The following INPP5E variants were observed in gnomAD, a reference collection of about 807,000 sequenced individuals.
INPP5E encodes phosphatidylinositol polyphosphate 5-phosphatase type IV.
Under a neutral mutation model 50.5 loss-of-function variants are expected in INPP5E, and 34 were observed. That is an observed-to-expected ratio of 0.67 (90% CI 0.51 to 0.90). The LOEUF is 0.90. INPP5E is among the 40% of genes least tolerant of loss of function. The pLI is 0.00. For synonymous variants in INPP5E, 447 were observed against 406.0 expected (o/e 1.10, Z -1.21); for missense variants, 942 against 905.5 (o/e 1.04, Z -0.52).
In INPP5E at chr9:136,439,453, G is replaced by A; in HGVS notation, c.-34C>T. 7.1e-7 allele frequency: 1 copy of A among 1,416,040 alleles called. No individual in the cohort carries two copies. The highest frequency in any genetic ancestry group is 9.2e-7 in the Non-Finnish European group (1 of 1,084,834). 87.7% of individuals were successfully genotyped at this position (1,416,040 alleles called of 1,614,324 possible). Reference sequence around the variant, plus strand: ...TCTCCCGGGGCAGGCCTCGGCGCGAGGCCGCAGGCAGCGCGAGGGGTCACG... The same window carrying A: ...TCTCCCGGGGCAGGCCTCGGCGCGAAGCCGCAGGCAGCGCGAGGGGTCACG... On this transcript the variant is annotated 5_prime_UTR_variant, in exon 1 of 10. Transcript: ENST00000371712.
Position 136,429,584 on chromosome 9 carries a change from C to G in INPP5E, c.*91G>C. 6.4e-7 allele frequency: 1 copy of G among 1,556,712 alleles called. No individual in the cohort carries two copies. The highest frequency in any genetic ancestry group is 8.8e-7 in the Non-Finnish European group (1 of 1,139,052). On this transcript the variant is annotated 3_prime_UTR_variant, in exon 10 of 10. Transcript: ENST00000371712. ...ACGGTCGCCACAGTCCCTCGGATCC[C>G]CGAAAGGCGGCAAACTCTTTGTCCT...
At position 136,429,691 on chromosome 9, in the gene INPP5E, A is replaced by G. The variant is rs753001340; in HGVS notation, c.1919T>C (p.Ile640Thr). The change falls in exon 10 of 10, where the codon ATC becomes ACC. Residue 640 changes from isoleucine to threonine, a missense_variant. Coordinates refer to ENST00000371712, the MANE Select transcript of INPP5E (RefSeq NM_019892.6). The part of the protein sequence containing the change: ...QALQSQNSST[I>T]CSVS The stretch of plus-strand genomic sequence containing the variant: ...CAGCAAACTTCAAGAAACGGAGCAG[A>G]TGGTGCTGGAGTTCTGACTCTGTAG... 7 of 1,614,112 alleles carry G rather than the reference A, an allele frequency of 4.3e-6. No individual in the cohort carries two copies. The highest frequency in any genetic ancestry group is 5.1e-6 in the Non-Finnish European group (6 of 1,180,036).
At chr9:136,437,917 A>T (rs1588837856) in intron 1 of INPP5E, 1 of 154,152 alleles carries the variant, frequency 6.5e-6, no homozygotes, top group Non-Finnish European at 1.4e-5. Context: ...CAACAGCTGG[A>T]GCCCACCAAA....
chr9:136,431,172 AC>A, intron 7 of INPP5E, 55 bp from the exon 8 acceptor site: 1 of 1,137,990 alleles, frequency 8.8e-7, no homozygotes. Context: ...CAGCCGCCGC[AC>A]CCCAGGCCCT....
chr9:136,438,526 G>T, intron 1 of INPP5E, 82 bp downstream of exon 1: 2 of 1,231,466 alleles, frequency 1.6e-6, no homozygotes, highest in South Asian at 1.3e-5. Flanking sequence ...CGCTGCTGAT[G>T]GGAACGGTCT....
chr9:136,433,407 CGGA>C, intron 3 of INPP5E, 128 bp from the exon 4 acceptor site: 15 of 1,350,396 alleles, frequency 1.1e-5, no homozygotes, highest in East Asian at 2.5e-5. Context: ...GTGTCTTGCG[CGGA>C]GAAGCAATTG....
intron 6 of INPP5E, among the ~76,000 whole-genome samples, 190 bp downstream of exon 6, chr9:136,432,289 T>C (rs1271424592): frequency 6.6e-6 from 1 of 151,904 alleles, no homozygotes; most frequent in Non-Finnish European, 1.5e-5. Context: ...CCACGCCGAG[T>C]GGACAGGATC....
At position 136,438,705 on chromosome 9, in the gene INPP5E, G is replaced by C; in HGVS notation, c.715C>G (p.Pro239Ala). 15 of 1,603,532 alleles carry C rather than the reference G, an allele frequency of 9.4e-6. No homozygotes were observed. The highest frequency in any genetic ancestry group is 1.3e-5 in the Non-Finnish European group (15 of 1,175,456). ...RAHSSLGPGR[P>A]RSPLACDDCS... ...TCGTCGCAGGCCAGGGGGCTCCGCG[G>C]CCGGCCGGGGCCCAGGCTGCTGTGG... Residue 239 changes from proline (P) to alanine (A), a missense_variant, in exon 1 of 10, where the codon CCG becomes GCG. Pro to Ala is a conservative substitution (Grantham distance 27). Transcript: ENST00000371712.
At position 136,439,327 on chromosome 9, in the gene INPP5E, C is replaced by G; in HGVS notation, c.93G>C (p.Pro31=). 3.6e-6 allele frequency: 5 copies of G among 1,407,900 alleles called. No homozygotes were observed. The highest frequency in any genetic ancestry group is 1.5e-5 in the African/African-American group (1 of 66,040). 87.2% of individuals were successfully genotyped at this position (1,407,900 alleles called of 1,614,324 possible). Residue 31 remains proline (P), a synonymous_variant, in exon 1 of 10, where the codon CCG becomes CCC. Transcript: ENST00000371712. ...GTGGGGACCCCGCGCGCTGGGCCGG[C>G]GGAGCGCCGGGAAGCTGTCCTTGGA... ...RTLQGQLPGA[P]PAQRAGSPPD...
Position 136,432,978 on chromosome 9 carries a change from G to C in INPP5E, c.1257C>G (p.Leu419=), listed in dbSNP as rs773461610. ...TACAGGTGAAGTGGGACGTGATGAA[G>C]AGGAAGGAAGTGCCAAAAAAGGTGA... ...ISFTFFGTSF[L]FITSHFTSGD... Residue 419 remains leucine, a synonymous_variant, in exon 5 of 10, where the codon CTC becomes CTG. Coordinates refer to ENST00000371712, the MANE Select transcript of INPP5E (RefSeq NM_019892.6). 4 of 1,613,440 alleles carry C rather than the reference G, an allele frequency of 2.5e-6. No individual in the cohort carries two copies. In the East Asian group the frequency reaches 8.9e-5, roughly 36 times the overall value.
In INPP5E at chr9:136,433,156, T is replaced by C; in HGVS notation, c.1158A>G (p.Ser386=). ...GCCCACCCCTCCAGCCGCGCCCACC[T>C]GAGCAGAACCAGATGAGGTCCCTGC... ...FIRRDLIWFC[S]EVECSTVTTR... Residue 386 remains serine, a splice_region_variant and synonymous_variant, in exon 4 of 10, where the codon TCA becomes TCG. Coordinates refer to ENST00000371712, the MANE Select transcript of INPP5E (RefSeq NM_019892.6). 2.1e-6 allele frequency: 2 copies of C among 937,306 alleles called. No individual in the cohort carries two copies. Among genetic ancestry groups the C allele is most frequent in the Non-Finnish European group, 3.1e-6 (2 of 653,326 alleles). 58.1% of individuals were successfully genotyped at this position (937,306 alleles called of 1,614,324 possible).
intron 1 of INPP5E, among the ~76,000 whole-genome samples, chr9:136,435,211 G>C (rs1588836164): frequency 2.0e-5 from 3 of 152,302 alleles, no homozygotes; most frequent in Middle Eastern, 3.4e-3. Context: ...GCTGTTCGGG[G>C]AGGGGCTGGT....
rs763722995 is a variant in INPP5E, at chr9:136,432,936, G to A, written c.1279+20C>T. 2.2e-5 allele frequency: 35 copies of A among 1,611,416 alleles called. No homozygotes were observed. The highest frequency in any genetic ancestry group is 1.7e-4 in the Middle Eastern group (1 of 6,060). On this transcript the variant is annotated intron_variant, in intron 5 of 9. Transcript: ENST00000371712. ...GCTGTTCTCACACAGCACCTGCGGT[G>A]CGGGCACCAAGCAACTTACAGGTGA...
Position 136,430,067 on chromosome 9 carries a change from C to A in INPP5E, c.1802+210G>T, listed in dbSNP as rs548517449. ...CTCCAGCTGGCCACACCCAGCCCCC[C>A]AGCTGGGCCTCTCTTCACTTTCCAG... is the stretch of plus-strand genomic sequence containing the variant. On this transcript the variant is annotated intron_variant, in intron 9 of 9. Transcript: ENST00000371712. 6.4e-4 allele frequency among the ~76,000 whole-genome samples: 97 copies of A among 152,134 alleles called. 1 individual carries two copies. The East Asian group carries it at 0.018, about 29-fold the overall frequency.
chr9:136,432,421 C>T (rs547702148), intron 6 of INPP5E, 58 bp downstream of exon 6: 52 of 1,215,146 alleles, frequency 4.3e-5, no homozygotes, highest in African/African-American at 3.9e-4. Flanking sequence ...CTAAAAACGA[C>T]GGGCGCCCGT....
rs545390204 is a variant in INPP5E, at chr9:136,428,656, A to C, written c.*1019T>G. On this transcript the variant is annotated 3_prime_UTR_variant, in exon 10 of 10. Transcript: ENST00000371712. ...ATATATGCATTTATTTAAAAATATA[A>C]ATATGGAAAAATAATTTAAAAGACT... 1.3e-5 allele frequency: 2 copies of C among 152,518 alleles called. No homozygotes were observed. Among genetic ancestry groups the C allele is most frequent in the African/African-American group, 2.4e-5 (1 of 41,580 alleles). 9.4% of individuals were successfully genotyped at this position (152,518 alleles called of 1,614,324 possible). A position where few individuals can be genotyped will look rare whatever the true frequency, so the allele number is the denominator to read the frequency against.
In INPP5E at chr9:136,433,417, A is replaced by T. The variant is rs10735662; in HGVS notation, c.1035-138T>A. The T allele has an allele frequency of 0.44, 573,383 of 1,296,676 alleles. 130,169 individuals carry two copies. The highest frequency in any genetic ancestry group is 0.55 in the Admixed American group (20,668 of 37,838). The allele number at this position is 1,296,676 out of a possible 1,614,324, so 80.3% of individuals were successfully genotyped here. On this transcript the variant is annotated intron_variant, in intron 3 of 9. Transcript: ENST00000371712. ...CCTTGGTGTCTTGCGCGGAGAAGCA[A>T]TTGCCAGAAGGCCTGGTGGGCCAGA... is the stretch of plus-strand genomic sequence containing the variant.
intron 9 of INPP5E, 121 bp downstream of exon 9, chr9:136,430,155 GC>G: frequency 1.6e-6 from 2 of 1,280,284 alleles, no homozygotes; most frequent in Non-Finnish European, 2.2e-6. Context: ...GGGGAACACA[GC>G]CCTGAAGGTC....
In INPP5E at chr9:136,434,177, C is replaced by T. The variant is rs1206750108; in HGVS notation, c.937-43G>A. The T allele has an allele frequency of 5.0e-6, 7 of 1,393,232 alleles. No homozygotes were observed. In the South Asian group the frequency reaches 8.5e-5, roughly 17 times the overall value. The allele number at this position is 1,393,232 out of a possible 1,614,324, so 86.3% of individuals were successfully genotyped here. ...GTGGTGGGCCGGCTCCTCCCGAAAC[C>T]TGCAGGCGCCTGTGGGTGAATCCCA... On this transcript the variant is annotated intron_variant, in intron 2 of 9. Transcript: ENST00000371712.
Sources: allele counts gnomAD v4.1 joint callset (sites outside exome capture counted in the v4.1 genomes callset), GRCh38; gene constraint gnomAD v4.1.1; transcripts MANE v1.5; gene names NCBI Gene and HGNC (gene_info 2026-07-23, HGNC 2026-07-21).